ANK1: variants seen among roughly 807,000 people sequenced by gnomAD.
The protein encoded by ANK1 is ankyrin 1, also known as ankyrin-1.
In ANK1, 51 loss-of-function variants were observed where a neutral mutation model predicts 210.4. The ratio of observed to expected loss-of-function variants is 0.24; its 90% confidence interval spans 0.19 to 0.31. The LOEUF (loss-of-function observed/expected upper bound fraction) is 0.31. Among genes scored for constraint, ANK1 ranks in the 10% least tolerant of loss-of-function variants. The pLI is 1.00. For missense variants in ANK1, 2,051 were observed against 2,504.4 expected (o/e 0.82, Z 3.86); for synonymous variants, 967 against 1,025.9 (o/e 0.94, Z 1.10).
chr8:41,750,218 A>T (rs1380502516), intron 2 of ANK1, among the ~76,000 whole-genome samples: 1 of 152,232 alleles, frequency 6.6e-6, no homozygotes, highest in Non-Finnish European at 1.5e-5. Context: ...CCTTCAAGAT[A>T]AACATTAGGG....
intron 1 of ANK1, among the ~76,000 whole-genome samples, chr8:41,765,451 T>G (rs193052036): frequency 3.9e-5 from 6 of 152,254 alleles, no homozygotes; most frequent in Admixed American, 3.9e-4. Flanking sequence ...CTCCCTATGT[T>G]GCCCAGGCTG....
chr8:41,727,108 C>T lies in ANK1; in HGVS notation c.426+142G>A, dbSNP rs1830904793. The T allele has an allele frequency of 5.5e-6, 4 of 729,634 alleles. No homozygotes were observed. The Admixed American group carries it at 8.0e-5, about 15-fold the overall frequency. 45.2% of individuals were successfully genotyped at this position (729,634 alleles called of 1,614,324 possible). ...TAGTCCCTTGCAGAACCTGACAGCA[C>T]TCTGGATTAGTGCAGCGACCTGAAG... On this transcript the variant is annotated intron_variant, in intron 5 of 42. Transcript: ENST00000289734.
chr8:41,701,156 A>G (rs546231055), intron 22 of ANK1, among the ~76,000 whole-genome samples: 1 of 152,352 alleles, frequency 6.6e-6, no homozygotes, highest in South Asian at 2.1e-4. Context: ...AGGCATGCTC[A>G]CAGATTTTGA....
chr8:41,712,253 G>T (rs1212913205), intron 16 of ANK1, among the ~76,000 whole-genome samples: 6 of 152,134 alleles, frequency 3.9e-5, no homozygotes, highest in African/African-American at 1.2e-4. Context: ...ATGTACAAGG[G>T]TCCATCACTT....
chr8:41,735,768 T>G (rs971682148), intron 2 of ANK1, among the ~76,000 whole-genome samples: 1 of 152,176 alleles, frequency 6.6e-6, no homozygotes, highest in East Asian at 1.9e-4. Context: ...AAAGTCATGA[T>G]AGGAGAATGG....
At chr8:41,863,544 C>G (rs764642242) in intron 1 of ANK1, among the ~76,000 whole-genome samples, 2 of 152,164 alleles carry the variant, frequency 1.3e-5, no homozygotes, top group Non-Finnish European at 2.9e-5. Context: ...TAAATATTTT[C>G]TGGCTAAAAT....
At chr8:41,767,513 C>T (rs1160292155) in intron 1 of ANK1, among the ~76,000 whole-genome samples, 1 of 152,128 alleles carries the variant, frequency 6.6e-6, no homozygotes, top group East Asian at 1.9e-4. Flanking sequence ...CTCGCCCCGG[C>T]CCGGCCCTGG....
chr8:41,859,111 G>A (rs1260562634), intron 1 of ANK1, among the ~76,000 whole-genome samples: 1 of 152,196 alleles, frequency 6.6e-6, no homozygotes, highest in African/African-American at 2.4e-5. Context: ...GGGATTTCCC[G>A]CCCAAAGAGC....
chr8:41,750,163 A>G (rs1352087040), intron 2 of ANK1, among the ~76,000 whole-genome samples: 1 of 152,212 alleles, frequency 6.6e-6, no homozygotes, highest in Non-Finnish European at 1.5e-5. Context: ...AGCAGAAATT[A>G]TTGTTATAGG....
At chr8:41,750,350 C>T (rs185903758) in intron 2 of ANK1, among the ~76,000 whole-genome samples, 5 of 152,156 alleles carry the variant, frequency 3.3e-5, no homozygotes, top group Non-Finnish European at 5.9e-5. Context: ...TTCAGATGGT[C>T]GAGCTTCTGG....
At chr8:41,668,189 T>C (rs1254057215) in intron 39 of ANK1, 78 bp downstream of exon 39, 19 of 1,594,854 alleles carry the variant, frequency 1.2e-5, no homozygotes, top group South Asian at 2.2e-5. Flanking sequence ...CTTGAGTGCC[T>C]GAGAGGCAGC....
chr8:41,803,055 G>GAAAGAGAAAGAAAGAA (rs1554630937), intron 1 of ANK1, among the ~76,000 whole-genome samples: 2 of 73,674 alleles, frequency 2.7e-5, no homozygotes, highest in African/African-American at 1.2e-4. Flanking sequence ...AAGAAAGAAA[G>GAAAGAGAAAGAAAGAA]AGAGAAAGGA....
chr8:41,731,399 C>T (rs531123056), intron 3 of ANK1, among the ~76,000 whole-genome samples: 1 of 152,082 alleles, frequency 6.6e-6, no homozygotes, highest in African/African-American at 2.4e-5. Context: ...AGTGAGAGAG[C>T]AGGCTTTTTT....
chr8:41,670,370 T>C (rs1811881202), intron 38 of ANK1, among the ~76,000 whole-genome samples: 2 of 151,960 alleles, frequency 1.3e-5, no homozygotes, highest in Non-Finnish European at 2.9e-5. Flanking sequence ...AGTGACAAAA[T>C]AGGCCTAGAG....
intron 3 of ANK1, among the ~76,000 whole-genome samples, chr8:41,733,020 G>T (rs1832605903): frequency 6.6e-6 from 1 of 152,226 alleles, no homozygotes. Context: ...TTACAGGCGT[G>T]AGCCACCGCG....
intron 1 of ANK1, among the ~76,000 whole-genome samples, chr8:41,865,384 T>A (rs1814201015): frequency 6.6e-6 from 1 of 151,898 alleles, no homozygotes; most frequent in South Asian, 2.1e-4. Context: ...AACATGTGGG[T>A]GCCCACCATG....
chr8:41,706,101 C>G (rs1276035480), intron 18 of ANK1, 42 bp downstream of exon 18: 2 of 1,564,654 alleles, frequency 1.3e-6, no homozygotes, highest in African/African-American at 2.7e-5. Flanking sequence ...GAAGTGTGAG[C>G]AAGGAGTCCA....
intron 37 of ANK1, among the ~76,000 whole-genome samples, chr8:41,673,863 G>A (rs1290864251): frequency 6.6e-6 from 1 of 152,232 alleles, no homozygotes; most frequent in Non-Finnish European, 1.5e-5. Context: ...AGGAAATCAG[G>A]AAGCAAGTAC....
intron 33 of ANK1, 152 bp from the exon 34 acceptor site, chr8:41,688,741 A>G: frequency 1.4e-6 from 1 of 738,390 alleles, no homozygotes; most frequent in Non-Finnish European, 2.4e-6. Context: ...CACAAAGAGT[A>G]ACACATGGGA....
Sources: allele counts gnomAD v4.1 joint callset (sites outside exome capture counted in the v4.1 genomes callset), GRCh38; gene constraint gnomAD v4.1.1; transcripts MANE v1.5; gene names NCBI Gene and HGNC (gene_info 2026-07-23, HGNC 2026-07-21).